The following SLC22A23 variants were observed in gnomAD, a reference collection of about 807,000 sequenced individuals.
SLC22A23 encodes solute carrier family 22 member 23, also known as ion transporter protein.
Under a neutral mutation model 61.0 loss-of-function variants are expected in SLC22A23, and 26 were observed. That is an observed-to-expected ratio of 0.43 (90% CI 0.31 to 0.59). SLC22A23 has a LOEUF of 0.59. Ranked by LOEUF, SLC22A23 falls within the 20% of genes least tolerant of loss-of-function variation. The pLI is 0.11. For synonymous variants in SLC22A23, 430 were observed against 413.9 expected, an observed-to-expected ratio of 1.04 and a Z score of -0.47; for missense variants, 796 against 934.7, an observed-to-expected ratio of 0.85 and a Z score of 1.94.
At chr6:3,446,519 G>C (rs1771903679) in intron 1 of SLC22A23, among the ~76,000 whole-genome samples, 1 of 152,188 alleles carries the variant, frequency 6.6e-6, no homozygotes, top group Admixed American at 6.5e-5. Flanking sequence ...TGTTGAGTAG[G>C]AGGGCCAGAG....
intron 4 of SLC22A23, chr6:3,323,376 C>G (rs1763078398): frequency 2.2e-6 from 1 of 457,408 alleles, no homozygotes; most frequent in African/African-American, 2.0e-5. Context: ...CAAAAACAGA[C>G]AGTGGGCCTG....
At chr6:3,310,342 C>T (rs1762294661) in intron 4 of SLC22A23, among the ~76,000 whole-genome samples, 5 of 73,924 alleles carry the variant, frequency 6.8e-5, no homozygotes, top group Non-Finnish European at 6.3e-5. Flanking sequence ...AGCACCCTGT[C>T]TCCCAGGGAG....
chr6:3,372,965 C>T lies in SLC22A23; in HGVS notation c.913+37223G>A, dbSNP rs1246437751. On this transcript the variant is annotated intron_variant, in intron 3 of 9. Coordinates refer to ENST00000406686, the MANE Select transcript of SLC22A23 (RefSeq NM_015482.2). This position sits in a 1 kb window ranked among gnomAD's most constrained non-coding sequence, Gnocchi z 4.7. ...GTTATCATGCAGGAAAGAATTAACC[C>T]ATGAGTTCTGAGGCTGCTCTGCTTA... Among the ~76,000 whole-genome samples, 2 of 152,232 alleles carry T rather than the reference C, an allele frequency of 1.3e-5. No homozygotes were observed. The highest frequency in any genetic ancestry group is 4.8e-5 in the African/African-American group (2 of 41,460).
intron 1 of SLC22A23, among the ~76,000 whole-genome samples, chr6:3,448,783 C>T (rs996561212): frequency 7.2e-5 from 11 of 152,306 alleles, no homozygotes; most frequent in African/African-American, 2.2e-4. Context: ...CGTGAGCAAC[C>T]GCGCCCAGCC....
chr6:3,283,088 G>A (rs757331615), intron 9 of SLC22A23, among the ~76,000 whole-genome samples: 4 of 152,142 alleles, frequency 2.6e-5, no homozygotes, highest in African/African-American at 7.2e-5. Context: ...AATCTCACTC[G>A]CTGTGCTCGC....
chr6:3,423,289 TTTTCTTTG>T (rs58778765), intron 1 of SLC22A23, among the ~76,000 whole-genome samples: 43,690 of 150,658 alleles, frequency 0.29, 7,574 homozygotes, highest in East Asian at 0.47. Flanking sequence ...AATGAGTCAC[TTTTCTTTG>T]TTTGTTTCTT....
chr6:3,320,367 A>G (rs545370496), intron 4 of SLC22A23, among the ~76,000 whole-genome samples: 10 of 151,896 alleles, frequency 6.6e-5, no homozygotes, highest in Admixed American at 1.3e-4. Context: ...TACTGCCCCT[A>G]CCCCAAGAAG....
chr6:3,382,726 G>C (rs925124460), intron 3 of SLC22A23, among the ~76,000 whole-genome samples: 4 of 152,230 alleles, frequency 2.6e-5, no homozygotes, highest in Non-Finnish European at 4.4e-5. Flanking sequence ...GGATTAAGTA[G>C]CTGTGGCAAA....
chr6:3,370,249 A>G (rs1450478301), intron 3 of SLC22A23, among the ~76,000 whole-genome samples: 1 of 152,236 alleles, frequency 6.6e-6, no homozygotes, highest in African/African-American at 2.4e-5. Context: ...TTCTGTGGGA[A>G]ATGACTGAAA....
chr6:3,412,363 C>T (rs1769325967), intron 2 of SLC22A23, among the ~76,000 whole-genome samples: 1 of 152,200 alleles, frequency 6.6e-6, no homozygotes, highest in Non-Finnish European at 1.5e-5. Flanking sequence ...TTGAGTAAGA[C>T]CAGGCTTGTT....
chr6:3,362,088 AT>A lies in SLC22A23; in HGVS notation c.914-38087del, dbSNP rs67832731. On this transcript the variant is annotated intron_variant, in intron 3 of 9. Coordinates refer to ENST00000406686, the MANE Select transcript of SLC22A23 (RefSeq NM_015482.2). ...TGTGAGGTCCTCTAGGGAAAAATAA[AT>A]TTTTTTTTTAAGCAAACTTTAAAAA... is the stretch of plus-strand genomic sequence containing the variant. Among the ~76,000 whole-genome samples, 714 of 150,620 alleles carry A rather than the reference AT, an allele frequency of 4.7e-3. 12 individuals carry two copies. Among genetic ancestry groups the A allele is most frequent in the Admixed American group, 0.023 (343 of 15,140 alleles).
intron 4 of SLC22A23, among the ~76,000 whole-genome samples, chr6:3,310,349 G>GCTC (rs1561888322): frequency 7.9e-4 from 47 of 59,124 alleles, no homozygotes; most frequent in Admixed American, 2.2e-3. Context: ...TGTCTCCCAG[G>GCTC]GAGCACCCTG....
At position 3,308,835 on chromosome 6, in the gene SLC22A23, C is replaced by T. The variant is rs1051722224; in HGVS notation, c.1083-10617G>A. Among the ~76,000 whole-genome samples the T allele has an allele frequency of 5.9e-5, 9 of 151,566 alleles. No individual in the cohort carries two copies. The highest frequency in any genetic ancestry group is 2.2e-4 in the African/African-American group (9 of 41,146). ...GCGCAGGCCTGTAATCCCAGCTACT[C>T]AGGAGTCTAAGGCAGGAGAATCACT... On this transcript the variant is annotated intron_variant, in intron 4 of 9. Coordinates refer to ENST00000406686, the MANE Select transcript of SLC22A23 (RefSeq NM_015482.2). This position sits in a 1 kb window ranked among gnomAD's most constrained non-coding sequence, Gnocchi z 5.1.
At chr6:3,447,702 C>G (rs1245505637) in intron 1 of SLC22A23, among the ~76,000 whole-genome samples, 12 of 149,892 alleles carry the variant, frequency 8.0e-5, no homozygotes, top group African/African-American at 2.5e-4. Flanking sequence ...CATTCTCCTG[C>G]CTCAGCCTCC....
chr6:3,283,586 C>T (rs1759682244), intron 9 of SLC22A23: 2 of 436,394 alleles, frequency 4.6e-6, no homozygotes, highest in East Asian at 4.8e-5. Context: ...CGCTCAGACA[C>T]TGACATATTT....
At chr6:3,405,265 T>A (rs7748427) in intron 3 of SLC22A23, among the ~76,000 whole-genome samples, 42,294 of 142,390 alleles carry the variant, frequency 0.3, 7,127 homozygotes, top group African/African-American at 0.53. Context: ...TCTCAAAAAA[T>A]TTAAAAAAAA....
intron 4 of SLC22A23, among the ~76,000 whole-genome samples, chr6:3,316,347 A>G (rs940059592): frequency 1.3e-5 from 2 of 152,230 alleles, no homozygotes; most frequent in African/African-American, 4.8e-5. Flanking sequence ...ATATGTTTTC[A>G]CACGTAAGAA....
chr6:3,277,803 G>A (rs1201224460), intron 9 of SLC22A23, among the ~76,000 whole-genome samples: 1 of 152,178 alleles, frequency 6.6e-6, no homozygotes, highest in Non-Finnish European at 1.5e-5. Flanking sequence ...GGCCCTCAAG[G>A]TACAAGGTAC....
At chr6:3,416,250 T>C (rs575816211) in intron 1 of SLC22A23, among the ~76,000 whole-genome samples, 4 of 152,366 alleles carry the variant, frequency 2.6e-5, no homozygotes, top group African/African-American at 9.6e-5. Context: ...TGGGAGACCC[T>C]GTCAACTTTC....
Sources: gnomAD v4.1 joint callset for allele counts (sites outside exome capture counted in the v4.1 genomes callset) on GRCh38, gnomAD v4.1.1 for gene constraint, Gnocchi (gnomAD v3.1) non-coding constraint, MANE v1.5 for transcripts, NCBI Gene and HGNC (gene_info 2026-07-23, HGNC 2026-07-21) for gene names.